UBE2K: variants seen among roughly 807,000 people sequenced by gnomAD.
UBE2K encodes ubiquitin-conjugating enzyme E2 K.
In UBE2K, 6 loss-of-function variants were observed where a neutral mutation model predicts 30.0. The observed-to-expected ratio is 0.20, with a 90% CI of 0.11 to 0.39. UBE2K has a LOEUF of 0.39. Among genes scored for constraint, UBE2K ranks in the 10% least tolerant of loss-of-function variants. The pLI is 1.00. For synonymous variants in UBE2K, 86 were observed against 83.7 expected, an observed-to-expected ratio of 1.03 and a Z score of -0.15; for missense variants, 61 against 241.6, an observed-to-expected ratio of 0.25 and a Z score of 4.96.
chr4:39,771,858 T>C (rs1736082266), intron 4 of UBE2K, among the ~76,000 whole-genome samples: 1 of 152,110 alleles, frequency 6.6e-6, no homozygotes, highest in African/African-American at 2.4e-5. Context: ...GGTGGAGGTG[T>C]AGGAGACAGT....
intron 1 of UBE2K, among the ~76,000 whole-genome samples, chr4:39,736,003 A>T (rs1232686722): frequency 2.4e-5 from 2 of 84,660 alleles, no homozygotes; most frequent in African/African-American, 1.2e-4. Flanking sequence ...GAAAAAGAGT[A>T]AAAATTGTGG....
chr4:39,757,311 C>G (rs909177984), intron 4 of UBE2K, among the ~76,000 whole-genome samples: 1 of 152,068 alleles, frequency 6.6e-6, no homozygotes, highest in Non-Finnish European at 1.5e-5. Flanking sequence ...CAGGCATGAG[C>G]CACCACACCC....
In UBE2K at chr4:39,764,889, A is replaced by ATT. The variant is rs11407158; in HGVS notation, c.299+9162_299+9163dup. On this transcript the variant is annotated intron_variant, in intron 4 of 6. Coordinates refer to ENST00000261427, the MANE Select transcript of UBE2K (RefSeq NM_005339.5). Reference sequence around the variant, plus strand: ...TTTTTGAATCTCTAAGAACTTATTAATTTTTTTTTTTTTCGAGACAAGAGT... The same window carrying ATT: ...TTTTTGAATCTCTAAGAACTTATTAATTTTTTTTTTTTTTTCGAGACAAGAGT... 4.2e-3 allele frequency among the ~76,000 whole-genome samples: 627 copies of ATT among 147,546 alleles called. 4 individuals are homozygous for ATT. The highest frequency in any genetic ancestry group is 0.012 in the African/African-American group (503 of 40,244).
rs1560370602 is a variant in UBE2K, at chr4:39,757,028, T to TG, written c.299+1289_299+1290insG. Among the ~76,000 whole-genome samples, 67 of 117,746 alleles carry TG rather than the reference T, an allele frequency of 5.7e-4. 3 individuals are homozygous for TG. Among genetic ancestry groups the TG allele is most frequent in the African/African-American group, 2.9e-3 (67 of 22,966 alleles). 77.2% of individuals were successfully genotyped at this position (117,746 alleles called of 152,430 possible). On this transcript the variant is annotated intron_variant, in intron 4 of 6. Coordinates refer to ENST00000261427, the MANE Select transcript of UBE2K (RefSeq NM_005339.5). ...TTTTTTTTGTTTTTTGTTTTTTGTT[T>TG]TTTGTTTTTTTTTTGAGACAGAGTT... is the stretch of plus-strand genomic sequence containing the variant.
chr4:39,750,837 C>T (rs1721218302), intron 3 of UBE2K, among the ~76,000 whole-genome samples: 1 of 151,750 alleles, frequency 6.6e-6, no homozygotes, highest in Non-Finnish European at 1.5e-5. Flanking sequence ...CCTCTGCCTC[C>T]TGGGCTCAAG....
At position 39,781,635 on chromosome 4, in the gene UBE2K, T is replaced by G. The variant is rs1331425975; in HGVS notation, c.*3201T>G. ...AATTATGAATTTTTGTTGTTATTGT[T>G]TTAAAGATTTAAGATGGATTGGGGT... is the stretch of plus-strand genomic sequence containing the variant. On this transcript the variant is annotated 3_prime_UTR_variant, in exon 7 of 7. Transcript: ENST00000261427. The G allele has an allele frequency of 3.4e-6, 1 of 297,948 alleles. No homozygotes were observed. 18.5% of individuals were successfully genotyped at this position (297,948 alleles called of 1,614,324 possible).
intron 1 of UBE2K, among the ~76,000 whole-genome samples, chr4:39,734,162 A>G (rs1342292598): frequency 2.0e-5 from 3 of 148,962 alleles, no homozygotes; most frequent in African/African-American, 5.0e-5. Flanking sequence ...CTGGAGTGCA[A>G]TGGCGAAATC....
rs1303365489 is a variant in UBE2K, at chr4:39,781,627, G to GT, written c.*3195dup. 3 of 278,560 alleles carry GT rather than the reference G, an allele frequency of 1.1e-5. No individual in the cohort carries two copies. The highest frequency in any genetic ancestry group is 6.5e-5 in the African/African-American group (3 of 46,076). 17.3% of individuals were successfully genotyped at this position (278,560 alleles called of 1,614,324 possible). ...AAATAGGAAATTATGAATTTTTGTT[G>GT]TTATTGTTTTAAAGATTTAAGATGG... On this transcript the variant is annotated 3_prime_UTR_variant, in exon 7 of 7. Transcript: ENST00000261427.
At chr4:39,738,397 A>G (rs1339712931) in intron 2 of UBE2K, among the ~76,000 whole-genome samples, 4 of 152,212 alleles carry the variant, frequency 2.6e-5, no homozygotes, top group African/African-American at 9.6e-5. Flanking sequence ...AAGTAGCACA[A>G]CTGATAGCCT....
intron 1 of UBE2K, among the ~76,000 whole-genome samples, chr4:39,708,650 TAGAAA>T (rs945711482): frequency 3.3e-5 from 5 of 152,176 alleles, no homozygotes; most frequent in Non-Finnish European, 7.4e-5. Context: ...TATAGTGTCT[TAGAAA>T]ATGTGCCAAA....
intron 1 of UBE2K, among the ~76,000 whole-genome samples, chr4:39,719,372 C>T (rs191802265): frequency 6.6e-6 from 1 of 152,266 alleles, no homozygotes; most frequent in Admixed American, 6.5e-5. Flanking sequence ...CCTTCTACTC[C>T]TGGTAGATTA....
chr4:39,701,745 ATTTC>A (rs1718024913), intron 1 of UBE2K, among the ~76,000 whole-genome samples: 1 of 151,062 alleles, frequency 6.6e-6, no homozygotes, highest in Admixed American at 6.6e-5. Flanking sequence ...ATGTACTTGA[ATTTC>A]TTTCTTTCAT....
chr4:39,714,801 G>C (rs1718953364), intron 1 of UBE2K, among the ~76,000 whole-genome samples: 1 of 150,810 alleles, frequency 6.6e-6, no homozygotes, highest in African/African-American at 2.4e-5. Flanking sequence ...TGCCCACCTT[G>C]GCCTCCCTAA....
chr4:39,759,476 G>GT (rs1711741092), intron 4 of UBE2K, among the ~76,000 whole-genome samples: 2 of 152,184 alleles, frequency 1.3e-5, no homozygotes, highest in Admixed American at 1.3e-4. Context: ...TAGAGACAGG[G>GT]TTCCACCGTG....
intron 1 of UBE2K, among the ~76,000 whole-genome samples, chr4:39,713,580 CAT>C (rs1214144068): frequency 3.3e-5 from 5 of 151,546 alleles, no homozygotes; most frequent in Non-Finnish European, 7.4e-5. Context: ...ATACACATAA[CAT>C]AAAATTTATC....
intron 4 of UBE2K, chr4:39,770,050 C>T: frequency 1.3e-6 from 2 of 1,507,524 alleles, no homozygotes; most frequent in Non-Finnish European, 1.8e-6. Context: ...AGCCCAGGGA[C>T]CCCAGCCTCC....
At chr4:39,715,284 T>A (rs1015591823) in intron 1 of UBE2K, among the ~76,000 whole-genome samples, 41 of 151,760 alleles carry the variant, frequency 2.7e-4, no homozygotes, top group African/African-American at 9.4e-4. Flanking sequence ...TGCCTCGGCC[T>A]CCCAAAGTGC....
intron 1 of UBE2K, among the ~76,000 whole-genome samples, chr4:39,704,877 T>G (rs1392975271): frequency 6.8e-5 from 10 of 148,022 alleles, no homozygotes; most frequent in Admixed American, 2.7e-4. Flanking sequence ...ACCTTTTTTT[T>G]TTTTTTTTTT....
At chr4:39,747,478 A>G (rs1721040142) in intron 3 of UBE2K, among the ~76,000 whole-genome samples, 1 of 152,216 alleles carries the variant, frequency 6.6e-6, no homozygotes, top group African/African-American at 2.4e-5. Flanking sequence ...ATCACCTAGC[A>G]TAATGTCATC....
Sources: gnomAD v4.1 joint callset for allele counts (sites outside exome capture counted in the v4.1 genomes callset) on GRCh38, gnomAD v4.1.1 for gene constraint, MANE v1.5 for transcripts, NCBI Gene and HGNC (gene_info 2026-07-23, HGNC 2026-07-21) for gene names.